The following ZFPM2 variants were observed in gnomAD, a reference collection of about 807,000 sequenced individuals.
The protein encoded by ZFPM2 is zinc finger protein ZFPM2.
In ZFPM2, 20 loss-of-function variants were observed where a neutral mutation model predicts 98.6. The observed-to-expected ratio is 0.20, with a 90% confidence interval of 0.14 to 0.29. The LOEUF (loss-of-function observed/expected upper bound fraction) is 0.29, where lower values mean the gene tolerates loss of function less well. Ranked by LOEUF, ZFPM2 falls within the 10% of genes least tolerant of loss-of-function variation. ZFPM2 has a pLI of 1.00. For missense variants in ZFPM2, 1,310 were observed against 1,388.6 expected (o/e 0.94, Z 0.90); for synonymous variants, 518 against 502.7 (o/e 1.03, Z -0.41).
At chr8:105,800,929 A>T in intron 7 of ZFPM2, 118 bp from the exon 8 acceptor site, 1 of 969,946 alleles carries the variant, frequency 1.0e-6, no homozygotes, top group Non-Finnish European at 1.5e-6. Context: ...TCACGAATGA[A>T]ATTTTGAAAG....
intron 4 of ZFPM2, among the ~76,000 whole-genome samples, chr8:105,598,727 A>T (rs1479596971): frequency 6.6e-6 from 1 of 152,134 alleles, no homozygotes; most frequent in African/African-American, 2.4e-5. Flanking sequence ...GTTTTAATTT[A>T]TTGGGACTGA....
chr8:105,757,730 C>G (rs554622709), intron 5 of ZFPM2, among the ~76,000 whole-genome samples: 1 of 152,064 alleles, frequency 6.6e-6, no homozygotes, highest in Non-Finnish European at 1.5e-5. Context: ...CTAAACAAAA[C>G]TATGTAGTGG....
intron 4 of ZFPM2, among the ~76,000 whole-genome samples, chr8:105,615,382 T>C (rs1214177866): frequency 6.6e-6 from 1 of 152,140 alleles, no homozygotes; most frequent in East Asian, 1.9e-4. Context: ...TAGTTTTACT[T>C]TTCTGCAAAG....
At chr8:105,534,282 CCCTCCCTCCTTTCTT>C (rs1814397637) in intron 3 of ZFPM2, among the ~76,000 whole-genome samples, 2 of 84,298 alleles carry the variant, frequency 2.4e-5, no homozygotes, top group African/African-American at 1.2e-4. Context: ...TTCTTTCCCT[CCCTCCCTCCTTTCTT>C]CCTTCCTTCC....
At chr8:105,478,756 G>A (rs1421886256) in intron 3 of ZFPM2, among the ~76,000 whole-genome samples, 3 of 152,158 alleles carry the variant, frequency 2.0e-5, no homozygotes, top group Admixed American at 6.6e-5. Context: ...ACTGTCTCTG[G>A]TCATTCTGCT....
chr8:105,467,347 C>T (rs556697714), intron 3 of ZFPM2, among the ~76,000 whole-genome samples: 1 of 152,196 alleles, frequency 6.6e-6, no homozygotes, highest in African/African-American at 2.4e-5. Flanking sequence ...TACTACTGTG[C>T]TTAAAGTAGG....
At chr8:105,413,599 T>C (rs1811624043) in intron 1 of ZFPM2, among the ~76,000 whole-genome samples, 1 of 151,326 alleles carries the variant, frequency 6.6e-6, no homozygotes, top group Non-Finnish European at 1.5e-5. Context: ...TTTTGTTTTA[T>C]ATACATTGGA....
At chr8:105,768,257 A>G (rs1812900188) in intron 5 of ZFPM2, among the ~76,000 whole-genome samples, 1 of 151,944 alleles carries the variant, frequency 6.6e-6, no homozygotes, top group South Asian at 2.1e-4. Context: ...GACCTCCTAG[A>G]TATAACACTA....
intron 5 of ZFPM2, among the ~76,000 whole-genome samples, chr8:105,778,489 CGTGTGT>C (rs10650495): frequency 6.8e-6 from 1 of 148,018 alleles, no homozygotes; most frequent in African/African-American, 2.5e-5. Context: ...TGAGTGCATG[CGTGTGT>C]GTGTGTGTGT....
chr8:105,489,795 C>T (rs998974123), intron 3 of ZFPM2, among the ~76,000 whole-genome samples: 11 of 151,938 alleles, frequency 7.2e-5, no homozygotes, highest in African/African-American at 2.4e-4. Context: ...GTTGTTTTCT[C>T]ATTCTTAACT....
At chr8:105,378,044 G>A (rs1246886418) in intron 1 of ZFPM2, among the ~76,000 whole-genome samples, 1 of 152,092 alleles carries the variant, frequency 6.6e-6, no homozygotes, top group Non-Finnish European at 1.5e-5. Flanking sequence ...TCAAATTATT[G>A]CCTCAATGCA....
intron 4 of ZFPM2, among the ~76,000 whole-genome samples, chr8:105,607,807 G>A (rs1200385611): frequency 6.6e-6 from 1 of 152,190 alleles, no homozygotes; most frequent in East Asian, 1.9e-4. Flanking sequence ...TCTTTTTAAT[G>A]ATTTAATATA....
chr8:105,757,943 C>T (rs902197412), intron 5 of ZFPM2, among the ~76,000 whole-genome samples: 2 of 152,156 alleles, frequency 1.3e-5, no homozygotes, highest in Non-Finnish European at 2.9e-5. Flanking sequence ...CTTTTATAAC[C>T]ATATCCACAT....
intron 5 of ZFPM2, among the ~76,000 whole-genome samples, chr8:105,710,711 GT>G (rs1811370333): frequency 6.7e-6 from 1 of 149,100 alleles, no homozygotes; most frequent in African/African-American, 2.6e-5. Context: ...GTATGTGTGT[GT>G]GGGGGGGTGT....
At chr8:105,709,075 A>G (rs1811324014) in intron 5 of ZFPM2, among the ~76,000 whole-genome samples, 1 of 152,162 alleles carries the variant, frequency 6.6e-6, no homozygotes, top group African/African-American at 2.4e-5. Context: ...GGTAGTAGAG[A>G]AAGGGGAGAA....
chr8:105,471,487 T>G, intron 3 of ZFPM2, among the ~76,000 whole-genome samples: 1 of 152,168 alleles, frequency 6.6e-6, no homozygotes, highest in East Asian at 1.9e-4. Context: ...GGGCAAAAAC[T>G]TTTTGGACGA....
At chr8:105,546,730 G>T (rs982593371) in intron 3 of ZFPM2, among the ~76,000 whole-genome samples, 15 of 152,050 alleles carry the variant, frequency 9.9e-5, no homozygotes, top group African/African-American at 3.6e-4. Context: ...TTGATTCCAC[G>T]GCAAGTAGCA....
At chr8:105,625,478 A>G (rs1232360549) in intron 4 of ZFPM2, among the ~76,000 whole-genome samples, 1 of 152,138 alleles carries the variant, frequency 6.6e-6, no homozygotes, top group East Asian at 1.9e-4. Context: ...TCCATTTTTC[A>G]ATAGAATCAC....
chr8:105,535,076 A>G lies in ZFPM2; in HGVS notation c.302-26287A>G, dbSNP rs149084780. Among the ~76,000 whole-genome samples, 692 of 152,266 alleles carry G rather than the reference A, an allele frequency of 4.5e-3. 3 individuals carry two copies. The highest frequency in any genetic ancestry group is 0.016 in the African/African-American group (661 of 41,564). On this transcript the variant is annotated intron_variant, in intron 3 of 7. Transcript: ENST00000407775. ...GTTCAAATAAGGTCCTGAATCAAACATATGAAGGCATATCATTGGGGAATA... is the reference window on the plus strand; with the variant it reads ...GTTCAAATAAGGTCCTGAATCAAACGTATGAAGGCATATCATTGGGGAATA...
Sources: gnomAD v4.1 joint callset for allele counts (sites outside exome capture counted in the v4.1 genomes callset) on GRCh38, gnomAD v4.1.1 for gene constraint, MANE v1.5 for transcripts, NCBI Gene and HGNC (gene_info 2026-07-23, HGNC 2026-07-21) for gene names.